The following RBBP8 variants were observed in gnomAD, a reference collection of about 807,000 sequenced individuals.
RBBP8 encodes RB binding protein 8, endonuclease.
In RBBP8, 88 loss-of-function variants were observed where a neutral mutation model predicts 108.3. That is an observed-to-expected ratio of 0.81 (90% CI 0.68 to 0.97). The LOEUF is 0.97. Ranked by LOEUF, RBBP8 falls within the 50% of genes least tolerant of loss-of-function variation. The pLI is 0.00. For synonymous variants in RBBP8, 332 were observed against 348.2 expected, an observed-to-expected ratio of 0.95 and a Z score of 0.52; for missense variants, 1,023 against 1,049.0, an observed-to-expected ratio of 0.98 and a Z score of 0.34.
intron 4 of RBBP8, among the ~76,000 whole-genome samples, chr18:22,965,098 A>C (rs1202447555): frequency 6.6e-6 from 1 of 152,174 alleles, no homozygotes; most frequent in Admixed American, 6.6e-5. Flanking sequence ...ATGTTAAGTG[A>C]AGGCTTACTG....
At chr18:22,927,844 G>A (rs1467166714) in intron 3 of RBBP8, among the ~76,000 whole-genome samples, 1 of 151,738 alleles carries the variant, frequency 6.6e-6, no homozygotes, top group Non-Finnish European at 1.5e-5. Flanking sequence ...GCAGTGAGTC[G>A]AGATTGTGCC....
rs559384120 is a variant in RBBP8, at chr18:22,933,408, G to T, written c.-255G>T. 92 of 154,054 alleles carry T rather than the reference G, an allele frequency of 6.0e-4. No individual in the cohort carries two copies. Among genetic ancestry groups the T allele is most frequent in the African/African-American group, 2.2e-3 (90 of 41,620 alleles). 9.5% of individuals were successfully genotyped at this position (154,054 alleles called of 1,614,324 possible). A position where few individuals can be genotyped will look rare whatever the true frequency, so the allele number is the denominator to read the frequency against. On this transcript the variant is annotated 5_prime_UTR_variant, in exon 1 of 19. Transcript: ENST00000327155. ...CCGGCAGCCCCCGGCCTTAAAGCGC[G>T]GGCTGTCCGGAGGGGTCGGCTTTCC...
Position 22,934,894 on chromosome 18 carries a change from A to G in RBBP8, c.-99+1330A>G, listed in dbSNP as rs988713777. Reference sequence around the variant, plus strand: ...CTTCCCCCAACTCTAAAATGAAATTATAGTAGCTGTCTTACAGAGTTTTTC... The same window carrying G: ...CTTCCCCCAACTCTAAAATGAAATTGTAGTAGCTGTCTTACAGAGTTTTTC... On this transcript the variant is annotated intron_variant, in intron 1 of 18. Transcript: ENST00000327155. 3.3e-5 allele frequency: 5 copies of G among 151,704 alleles called. No individual in the cohort carries two copies. The South Asian group carries it at 1.0e-3, about 32-fold the overall frequency. 9.4% of individuals were successfully genotyped at this position (151,704 alleles called of 1,614,324 possible). A position where few individuals can be genotyped will look rare whatever the true frequency, so the allele number is the denominator to read the frequency against.
chr18:22,919,276 T>C (rs1219328218), intron 3 of RBBP8, among the ~76,000 whole-genome samples: 1 of 152,162 alleles, frequency 6.6e-6, no homozygotes, highest in Non-Finnish European at 1.5e-5. Flanking sequence ...CATCTTCCAA[T>C]GAATGAATAA....
chr18:22,967,241 C>T (rs769256395), intron 4 of RBBP8, among the ~76,000 whole-genome samples: 87 of 151,740 alleles, frequency 5.7e-4, no homozygotes, highest in Non-Finnish European at 8.1e-4. Context: ...TGGCGGGCAC[C>T]GGTAGTCCCA....
At chr18:22,971,078 C>G (rs1332697734) in intron 5 of RBBP8, among the ~76,000 whole-genome samples, 2 of 151,596 alleles carry the variant, frequency 1.3e-5, no homozygotes, top group African/African-American at 4.9e-5. Flanking sequence ...TTTCAGGCCT[C>G]GTAACTGCAT....
intron 10 of RBBP8, 113 bp from the exon 11 acceptor site, chr18:22,992,635 G>C (rs1347527308): frequency 1.2e-6 from 1 of 822,876 alleles, no homozygotes. Context: ...TAAATGAAGA[G>C]AAGCCAAAAG....
intron 16 of RBBP8, among the ~76,000 whole-genome samples, chr18:23,015,899 G>T (rs562829683): frequency 1.3e-5 from 2 of 152,088 alleles, no homozygotes; most frequent in African/African-American, 4.8e-5. Context: ...CCGCCAGCTT[G>T]TTTTTGTTTT....
At chr18:22,994,618 G>A (rs1015516550) in intron 12 of RBBP8, among the ~76,000 whole-genome samples, 3 of 147,490 alleles carry the variant, frequency 2.0e-5, no homozygotes, top group African/African-American at 7.4e-5. Flanking sequence ...CTGCACTCCA[G>A]CCTGGGTGAC....
At position 22,975,182 on chromosome 18, in the gene RBBP8, A is replaced by G; in HGVS notation, c.391A>G (p.Asn131Asp). Residue 131 changes from asparagine to aspartate, a missense_variant, in exon 6 of 19, where the codon AAT (asparagine) becomes GAT (aspartate). Physicochemically the swap from Asn to Asp is conservative, Grantham distance 23 (BLOSUM62 1). Coordinates refer to ENST00000327155, the MANE Select transcript of RBBP8 (RefSeq NM_002894.3). ...TGAAAGGAATACTCTACAGGAAGAA[A>G]ATAAAAAGCTTTCTGAACAACTCCA... The part of the protein sequence containing the change: ...MNERNTLQEE[N>D]KKLSEQLQQK... The G allele has an allele frequency of 6.2e-7, 1 of 1,612,708 alleles. No homozygotes were observed. The highest frequency in any genetic ancestry group is 8.5e-7 in the Non-Finnish European group (1 of 1,179,322).
In RBBP8 at chr18:23,025,556, A is replaced by G. The variant is rs2144871472; in HGVS notation, c.2597-587A>G. ...TGCACCCCATGCGTATGGCAGAGCA[A>G]ATACTTCCCCTGAAGATTACATGCT... On this transcript the variant is annotated intron_variant, in intron 18 of 18. Transcript: ENST00000327155. Among the ~76,000 whole-genome samples the G allele has an allele frequency of 2.0e-5, 3 of 152,360 alleles. 1 individual carries two copies. The South Asian group carries it at 6.2e-4, about 32-fold the overall frequency.
intron 4 of RBBP8, among the ~76,000 whole-genome samples, chr18:22,967,467 A>G (rs974701415): frequency 1.2e-4 from 18 of 152,062 alleles, no homozygotes; most frequent in Non-Finnish European, 4.4e-5. Flanking sequence ...TTAGGTAAAT[A>G]ATGAAATTGG....
At chr18:23,022,651 T>TAAATAAAATAAA (rs370599195) in intron 18 of RBBP8, among the ~76,000 whole-genome samples, 4 of 84,366 alleles carry the variant, frequency 4.7e-5, no homozygotes, top group African/African-American at 2.3e-4. Context: ...TAAAATACAA[T>TAAATAAAATAAA]ATAAAATAAA....
intron 3 of RBBP8, 52 bp downstream of exon 3, chr18:22,946,538 G>T: frequency 6.2e-7 from 1 of 1,604,478 alleles, no homozygotes; most frequent in South Asian, 1.1e-5. Context: ...AGTTGATACT[G>T]ATGTCCAATT....
chr18:22,989,372 G>A, intron 9 of RBBP8, 54 bp downstream of exon 9: 24 of 1,311,294 alleles, frequency 1.8e-5, no homozygotes, highest in South Asian at 1.8e-4. Flanking sequence ...GTCTTTTTAG[G>A]TCAGTTCTTA....
intron 10 of RBBP8, 147 bp downstream of exon 10, chr18:22,991,196 A>G: frequency 1.5e-6 from 1 of 683,706 alleles, no homozygotes. Context: ...TTGTCTCCCT[A>G]GTTTCTGACC....
chr18:22,976,996 A>G (rs1914541181), intron 6 of RBBP8, among the ~76,000 whole-genome samples: 1 of 152,122 alleles, frequency 6.6e-6, no homozygotes, highest in African/African-American at 2.4e-5. Flanking sequence ...AGTGAAGGCT[A>G]AAGTTTGAAA....
intron 2 of RBBP8, among the ~76,000 whole-genome samples, chr18:22,941,572 G>A (rs1911086969): frequency 6.6e-6 from 1 of 152,078 alleles, no homozygotes; most frequent in African/African-American, 2.4e-5. Flanking sequence ...ATTTTACAGT[G>A]AGGAAGCATC....
At chr18:22,937,251 C>T in intron 2 of RBBP8, 1 of 395,346 alleles carries the variant, frequency 2.5e-6, no homozygotes, top group Non-Finnish European at 4.7e-6. Context: ...TGTTGTTCCC[C>T]TCTTTGTGTC....
Sources: gnomAD v4.1 joint callset for allele counts (sites outside exome capture counted in the v4.1 genomes callset) on GRCh38, gnomAD v4.1.1 for gene constraint, MANE v1.5 for transcripts, NCBI Gene and HGNC (gene_info 2026-07-23, HGNC 2026-07-21) for gene names.